PAG1: variants seen among roughly 807,000 people sequenced by gnomAD.
The protein encoded by PAG1 is phosphoprotein associated with glycosphingolipid-enriched microdomains 1.
Under a neutral mutation model 31.7 loss-of-function variants are expected in PAG1, and 23 were observed. The ratio of observed to expected loss-of-function variants is 0.73; its 90% CI spans 0.52 to 1.03. PAG1 has a LOEUF of 1.03. PAG1 is among the 50% of genes least tolerant of loss of function. The pLI is 0.00. For missense variants in PAG1, 473 were observed against 540.7 expected, an observed-to-expected ratio of 0.87 and a Z score of 1.24; for synonymous variants, 214 against 210.3, an observed-to-expected ratio of 1.02 and a Z score of -0.15.
At position 81,041,722 on chromosome 8, in the gene PAG1, G is replaced by A. The variant is rs762340429; in HGVS notation, c.-174-11633C>T. Reference sequence around the variant, plus strand: ...CAGATGGAGAACCTCAGGATTGCATGCTACGAATTAGTGAAATAATTAATA... The same window carrying A: ...CAGATGGAGAACCTCAGGATTGCATACTACGAATTAGTGAAATAATTAATA... On this transcript the variant is annotated intron_variant, in intron 2 of 8. Transcript: ENST00000220597. Among the ~76,000 whole-genome samples, 120 of 152,218 alleles carry A rather than the reference G, an allele frequency of 7.9e-4. 1 individual carries two copies. Among genetic ancestry groups the A allele is most frequent in the Non-Finnish European group, 1.4e-3 (92 of 68,008 alleles).
At chr8:81,105,100 C>T (rs969992907) in intron 1 of PAG1, among the ~76,000 whole-genome samples, 5 of 152,110 alleles carry the variant, frequency 3.3e-5, no homozygotes, top group Non-Finnish European at 7.3e-5. Flanking sequence ...CTGGTACCCT[C>T]CTACTGGCTC....
At chr8:81,069,550 C>T (rs551530893) in intron 2 of PAG1, among the ~76,000 whole-genome samples, 4 of 152,174 alleles carry the variant, frequency 2.6e-5, no homozygotes, top group African/African-American at 7.2e-5. Context: ...AATGATTTTT[C>T]CACATTTGGT....
chr8:81,108,211 C>T (rs1200912491), intron 1 of PAG1, among the ~76,000 whole-genome samples: 5 of 152,152 alleles, frequency 3.3e-5, no homozygotes, highest in Non-Finnish European at 5.9e-5. Flanking sequence ...TATAGAATAA[C>T]CAACCCAGAG....
intron 3 of PAG1, among the ~76,000 whole-genome samples, chr8:81,011,184 T>G (rs1807976955): frequency 6.6e-6 from 1 of 152,196 alleles, no homozygotes; most frequent in Non-Finnish European, 1.5e-5. Context: ...ATGTTTGTCT[T>G]TGCAGCTATA....
intron 1 of PAG1, among the ~76,000 whole-genome samples, chr8:81,102,254 T>C (rs556059012): frequency 2.0e-4 from 30 of 152,296 alleles, no homozygotes; most frequent in Middle Eastern, 3.4e-3. Flanking sequence ...CTAAGGCTAC[T>C]ACAATGCACC....
chr8:81,101,915 T>C (rs926429305), intron 1 of PAG1, among the ~76,000 whole-genome samples: 4 of 152,122 alleles, frequency 2.6e-5, no homozygotes, highest in African/African-American at 9.7e-5. Context: ...TGAAAACTCC[T>C]AGTACATAAT....
chr8:81,004,426 T>C (rs1293472323), intron 3 of PAG1, among the ~76,000 whole-genome samples: 1 of 152,212 alleles, frequency 6.6e-6, no homozygotes, highest in African/African-American at 2.4e-5. Flanking sequence ...TTCTACTTGC[T>C]GACACTCTGT....
chr8:81,020,852 T>G (rs922560587), intron 3 of PAG1, among the ~76,000 whole-genome samples: 2 of 152,268 alleles, frequency 1.3e-5, no homozygotes, highest in Non-Finnish European at 2.9e-5. Flanking sequence ...ATAAACTCTA[T>G]GCTGTAATCA....
chr8:81,059,938 A>G (rs1269711618), intron 2 of PAG1, among the ~76,000 whole-genome samples: 1 of 151,974 alleles, frequency 6.6e-6, no homozygotes, highest in African/African-American at 2.4e-5. Context: ...AGATTGCTTG[A>G]ACCCAGGAGG....
intron 3 of PAG1, among the ~76,000 whole-genome samples, chr8:81,018,741 AC>A (rs1371097663): frequency 2.6e-5 from 4 of 151,796 alleles, no homozygotes; most frequent in African/African-American, 9.7e-5. Flanking sequence ...ATTCCATTAA[AC>A]CTCTTTCCCT....
At chr8:81,092,216 A>C (rs1381720669) in intron 1 of PAG1, among the ~76,000 whole-genome samples, 1 of 150,006 alleles carries the variant, frequency 6.7e-6, no homozygotes, top group Admixed American at 6.6e-5. Context: ...AAAAAAAGGA[A>C]AAGAAAAAAA....
At chr8:81,064,168 GGGACCGGTTTCA>G (rs1808965568) in intron 2 of PAG1, among the ~76,000 whole-genome samples, 1 of 152,200 alleles carries the variant, frequency 6.6e-6, no homozygotes, top group African/African-American at 2.4e-5. Context: ...TCTGGCACCA[GGGACCGGTTTCA>G]TGGAAGACAA....
chr8:81,092,942 T>C (rs28599702), intron 1 of PAG1, among the ~76,000 whole-genome samples: 6,070 of 152,292 alleles, frequency 0.04, 400 homozygotes, highest in African/African-American at 0.14. Context: ...CTTAGCTGCA[T>C]GATATAGGCA....
At chr8:81,110,569 A>C (rs1809757870) in intron 1 of PAG1, among the ~76,000 whole-genome samples, 1 of 152,244 alleles carries the variant, frequency 6.6e-6, no homozygotes, top group Non-Finnish European at 1.5e-5. Context: ...AATTAGGCCC[A>C]TCAGTACACT....
intron 8 of PAG1, 130 bp from the exon 9 acceptor site, chr8:80,977,036 A>C: frequency 1.3e-6 from 1 of 758,852 alleles, no homozygotes; most frequent in Non-Finnish European, 2.2e-6. Flanking sequence ...GTTCTTTCTT[A>C]TCTGTACTAA....
chr8:81,045,114 G>A (rs942768387), intron 2 of PAG1, among the ~76,000 whole-genome samples: 7 of 152,140 alleles, frequency 4.6e-5, no homozygotes, highest in African/African-American at 1.7e-4. Flanking sequence ...ATTTCGCTGG[G>A]TGAACCATAC....
chr8:81,042,213 C>G (rs1808565638), intron 2 of PAG1, among the ~76,000 whole-genome samples: 1 of 152,156 alleles, frequency 6.6e-6, no homozygotes, highest in Non-Finnish European at 1.5e-5. Context: ...TCATAGAAAA[C>G]AGAGTCTATG....
chr8:81,077,938 A>G (rs539349055), intron 1 of PAG1, among the ~76,000 whole-genome samples: 1 of 152,358 alleles, frequency 6.6e-6, no homozygotes, highest in South Asian at 2.1e-4. Flanking sequence ...CATGGTCTTC[A>G]TAAGAGAACA....
chr8:81,044,006 A>G (rs766942169), intron 2 of PAG1, among the ~76,000 whole-genome samples: 1 of 152,194 alleles, frequency 6.6e-6, no homozygotes, highest in Non-Finnish European at 1.5e-5. Flanking sequence ...TGTGAAGGAT[A>G]AAGTAAACAG....
Sources: gnomAD v4.1 joint callset for allele counts (sites outside exome capture counted in the v4.1 genomes callset) on GRCh38, gnomAD v4.1.1 for gene constraint, MANE v1.5 for transcripts, NCBI Gene and HGNC (gene_info 2026-07-23, HGNC 2026-07-21) for gene names.